The following PLGRKT variants were observed in gnomAD, a reference collection of about 807,000 sequenced individuals.
PLGRKT encodes the protein plasminogen receptor with a C-terminal lysine.
A neutral mutation model predicts 18.5 loss-of-function variants in PLGRKT; 22 were observed. The observed-to-expected ratio is 1.19, with a 90% CI of 0.85 to 1.70. The LOEUF (loss-of-function observed/expected upper bound fraction) is 1.70. Ranked by LOEUF, PLGRKT falls within the 40% of genes most tolerant of loss-of-function variation. The pLI is 0.00. For synonymous variants in PLGRKT, 72 were observed against 52.8 expected (o/e 1.36, Z -1.58); for missense variants, 235 against 174.4 (o/e 1.35, Z -1.96).
intron 5 of PLGRKT, 117 bp from the exon 6 acceptor site, chr9:5,358,477 C>A (rs746204960): frequency 1.1e-4 from 85 of 756,918 alleles, no homozygotes; most frequent in Non-Finnish European, 1.7e-4. Flanking sequence ...TGTCCCCAAT[C>A]TCACACTTAA....
chr9:5,421,648 T>C (rs1432976975), intron 3 of PLGRKT, among the ~76,000 whole-genome samples: 1 of 152,246 alleles, frequency 6.6e-6, no homozygotes, highest in Non-Finnish European at 1.5e-5. Context: ...AGTGCTTACA[T>C]GGGGCAGATG....
chr9:5,429,808 C>T (rs1818784854), intron 3 of PLGRKT, among the ~76,000 whole-genome samples: 1 of 152,166 alleles, frequency 6.6e-6, no homozygotes, highest in African/African-American at 2.4e-5. Context: ...TAACACACCC[C>T]TTTCAAAAAG....
At chr9:5,401,974 C>T (rs1229149770) in intron 3 of PLGRKT, among the ~76,000 whole-genome samples, 10 of 151,530 alleles carry the variant, frequency 6.6e-5, no homozygotes, top group African/African-American at 2.2e-4. Flanking sequence ...TTTCTAATTA[C>T]CACAGTTACA....
At chr9:5,393,591 T>A (rs977318108) in intron 3 of PLGRKT, among the ~76,000 whole-genome samples, 35 of 151,828 alleles carry the variant, frequency 2.3e-4, no homozygotes, top group African/African-American at 2.4e-5. Context: ...AACAAGAGAA[T>A]TAACAATCTT....
At chr9:5,359,388 A>G (rs780718526) in intron 5 of PLGRKT, among the ~76,000 whole-genome samples, 2 of 152,188 alleles carry the variant, frequency 1.3e-5, no homozygotes, top group African/African-American at 2.4e-5. Flanking sequence ...CAAACCCAAC[A>G]GAACAGACCA....
chr9:5,435,155 C>A (rs1818934729), intron 2 of PLGRKT, among the ~76,000 whole-genome samples: 1 of 152,078 alleles, frequency 6.6e-6, no homozygotes, highest in Non-Finnish European at 1.5e-5. Flanking sequence ...TCCCTAATCT[C>A]AAGTACCCAG....
intron 3 of PLGRKT, among the ~76,000 whole-genome samples, chr9:5,383,792 C>T (rs968514732): frequency 2.6e-5 from 4 of 152,274 alleles, no homozygotes; most frequent in East Asian, 1.9e-4. Flanking sequence ...CACTCACTGC[C>T]GCTCATCTCC....
chr9:5,397,556 G>A (rs3824437), intron 3 of PLGRKT, among the ~76,000 whole-genome samples: 10,074 of 151,542 alleles, frequency 0.066, 509 homozygotes, highest in South Asian at 0.16. Context: ...AAGGAGGGAG[G>A]GAAGGAAAGA....
intron 3 of PLGRKT, among the ~76,000 whole-genome samples, chr9:5,405,924 C>T (rs938056587): frequency 2.0e-5 from 3 of 151,972 alleles, no homozygotes; most frequent in African/African-American, 7.3e-5. Context: ...AAAAAACAAA[C>T]AATCCCATCA....
At chr9:5,434,899 A>T in intron 2 of PLGRKT, among the ~76,000 whole-genome samples, 1 of 152,052 alleles carries the variant, frequency 6.6e-6, no homozygotes, top group Non-Finnish European at 1.5e-5. Flanking sequence ...TGGGGAAAAG[A>T]AAGAGAGATC....
intron 3 of PLGRKT, among the ~76,000 whole-genome samples, chr9:5,367,410 G>C (rs554162608): frequency 6.6e-6 from 1 of 152,030 alleles, no homozygotes; most frequent in Admixed American, 6.6e-5. Context: ...CAATGGAAAA[G>C]AATAGAGAAT....
At chr9:5,385,904 G>A (rs545194578) in intron 3 of PLGRKT, among the ~76,000 whole-genome samples, 1 of 151,974 alleles carries the variant, frequency 6.6e-6, no homozygotes, top group East Asian at 1.9e-4. Flanking sequence ...CATGCTTATT[G>A]CCCATTAGCA....
At chr9:5,432,729 C>G (rs569746286) in intron 2 of PLGRKT, among the ~76,000 whole-genome samples, 9 of 152,204 alleles carry the variant, frequency 5.9e-5, no homozygotes, top group Non-Finnish European at 1.2e-4. Flanking sequence ...AGCTCCTGGC[C>G]TCGGGTGATC....
At chr9:5,366,040 A>G (rs976405) in intron 3 of PLGRKT, among the ~76,000 whole-genome samples, 113,455 of 152,070 alleles carry the variant, frequency 0.75, 43,236 homozygotes, top group African/African-American at 0.91. Context: ...ATTTTGATCT[A>G]TAATGTTAAT....
At chr9:5,368,158 T>C (rs1438134195) in intron 3 of PLGRKT, among the ~76,000 whole-genome samples, 1 of 152,240 alleles carries the variant, frequency 6.6e-6, no homozygotes, top group Non-Finnish European at 1.5e-5. Context: ...TCAGTCACTG[T>C]GGAAAGCAGT....
chr9:5,369,533 G>A (rs1478333578), intron 3 of PLGRKT, among the ~76,000 whole-genome samples: 7 of 152,190 alleles, frequency 4.6e-5, no homozygotes, highest in Admixed American at 4.6e-4. Context: ...AGACAGTGTG[G>A]TGATTCCTCA....
At chr9:5,368,052 G>A (rs189354534) in intron 3 of PLGRKT, among the ~76,000 whole-genome samples, 19 of 152,246 alleles carry the variant, frequency 1.2e-4, no homozygotes, top group African/African-American at 4.1e-4. Context: ...TCTCACACCA[G>A]TCAGAATGGC....
intron 4 of PLGRKT, 58 bp downstream of exon 4, chr9:5,361,700 T>C (rs1028022797): frequency 6.6e-5 from 100 of 1,517,082 alleles, no homozygotes; most frequent in Non-Finnish European, 8.6e-5. Context: ...AATAAAATGG[T>C]AATGGAAAAC....
At chr9:5,372,566 C>A (rs938623347) in intron 3 of PLGRKT, among the ~76,000 whole-genome samples, 2 of 152,160 alleles carry the variant, frequency 1.3e-5, no homozygotes, top group African/African-American at 4.8e-5. Context: ...TCAGCCAGAA[C>A]GTGGGATTCT....
Sources: allele counts gnomAD v4.1 joint callset (sites outside exome capture counted in the v4.1 genomes callset), GRCh38; gene constraint gnomAD v4.1.1; transcripts MANE v1.5; gene names NCBI Gene and HGNC (gene_info 2026-07-23, HGNC 2026-07-21).